The following ACTR10 variants were observed in gnomAD, a reference collection of about 807,000 sequenced individuals.
ACTR10 encodes the protein actin related protein 10.
Under a neutral mutation model 56.2 loss-of-function variants are expected in ACTR10, and 43 were observed. The observed-to-expected ratio is 0.77, with a 90% CI of 0.60 to 0.99. The LOEUF is 0.99. Among genes scored for constraint, ACTR10 ranks in the 50% least tolerant of loss-of-function variants. ACTR10 has a pLI of 0.00. For synonymous variants in ACTR10, 170 were observed against 176.3 expected (o/e 0.96, Z 0.28); for missense variants, 466 against 507.8 (o/e 0.92, Z 0.79).
At position 58,211,352 on chromosome 14, in the gene ACTR10, T is replaced by C; in HGVS notation, c.403T>C (p.Ser135Pro). The change falls in exon 5 of 13, where the codon TCT (serine) becomes CCT (proline). Residue 135 changes from serine to proline, a missense_variant. Ser to Pro is a moderately conservative substitution (Grantham distance 74). Transcript: ENST00000254286. ...GGCTCTTCTGACGCTTGGAATTAAT[T>C]CTGCCATGGTCCTAGATTGTGGATA... ...LMALLTLGINSAMVLDCGYRE... is the reference protein window; with the variant it reads ...LMALLTLGINPAMVLDCGYRE... 1 of 1,613,942 alleles carries C rather than the reference T, an allele frequency of 6.2e-7. No individual in the cohort carries two copies. The highest frequency in any genetic ancestry group is 2.2e-5 in the East Asian group (1 of 44,822).
chr14:58,232,018 A>G, intron 11 of ACTR10, 48 bp from the exon 12 acceptor site: 1 of 1,281,424 alleles, frequency 7.8e-7, no homozygotes. Flanking sequence ...ATCAAGCATT[A>G]TTTGTACAGT....
At chr14:58,234,252 A>T in intron 12 of ACTR10, 118 bp from the exon 13 acceptor site, 1 of 737,636 alleles carries the variant, frequency 1.4e-6, no homozygotes, top group South Asian at 2.9e-5. Flanking sequence ...GATTGTGGCT[A>T]TGCATTGCTG....
chr14:58,208,161 T>C (rs961828828), intron 3 of ACTR10, 143 bp downstream of exon 3: 35 of 634,502 alleles, frequency 5.5e-5, no homozygotes, highest in East Asian at 2.3e-4. Context: ...TTTCAACCTT[T>C]TCAAAAATAT....
chr14:58,230,183 T>G (rs1889496651), intron 10 of ACTR10, among the ~76,000 whole-genome samples: 1 of 152,232 alleles, frequency 6.6e-6, no homozygotes, highest in Non-Finnish European at 1.5e-5. Flanking sequence ...CAGACCCTGT[T>G]CTATTAACTC....
intron 4 of ACTR10, 33 bp downstream of exon 4, chr14:58,209,140 T>C (rs1296851766): frequency 5.7e-6 from 8 of 1,393,820 alleles, no homozygotes; most frequent in East Asian, 4.7e-5. Context: ...AGTAAATTGC[T>C]TTTGAAATAA....
At chr14:58,207,164 C>A in intron 2 of ACTR10, 1 of 164,776 alleles carries the variant, frequency 6.1e-6, no homozygotes, top group Non-Finnish European at 1.3e-5. Flanking sequence ...CTTCAGCCTC[C>A]TGAGTAGCTG....
At chr14:58,220,220 A>T (rs1040972486) in intron 8 of ACTR10, among the ~76,000 whole-genome samples, 1 of 152,206 alleles carries the variant, frequency 6.6e-6, no homozygotes, top group Non-Finnish European at 1.5e-5. Context: ...TTTATTCACT[A>T]AAATAAAATA....
chr14:58,215,475 T>C (rs1362011861), intron 7 of ACTR10, among the ~76,000 whole-genome samples, 191 bp downstream of exon 7: 1 of 152,194 alleles, frequency 6.6e-6, no homozygotes, highest in Non-Finnish European at 1.5e-5. Context: ...TAGTCATCCT[T>C]TCCAGAACTT....
chr14:58,221,298 A>AT (rs1316785587), intron 8 of ACTR10, among the ~76,000 whole-genome samples: 50 of 150,258 alleles, frequency 3.3e-4, no homozygotes, highest in African/African-American at 1.2e-3. Context: ...AAAAAAAAAA[A>AT]AAAAATATAT....
At chr14:58,214,545 C>T (rs1211659201) in intron 6 of ACTR10, among the ~76,000 whole-genome samples, 1 of 151,726 alleles carries the variant, frequency 6.6e-6, no homozygotes, top group East Asian at 2.0e-4. Flanking sequence ...GGCTGGAGTG[C>T]AGAGGCATGA....
Position 58,232,115 on chromosome 14 carries a change from G to A in ACTR10, c.920G>A (p.Gly307Asp), listed in dbSNP as rs1889551503. 1 of 1,613,898 alleles carries A rather than the reference G, an allele frequency of 6.2e-7. No homozygotes were observed. The highest frequency in any genetic ancestry group is 8.5e-7 in the Non-Finnish European group (1 of 1,179,920). Residue 307 changes from glycine (G) to aspartate (D), a missense_variant, in exon 12 of 13, where the codon GGT becomes GAT. Coordinates refer to ENST00000254286, the MANE Select transcript of ACTR10 (RefSeq NM_018477.3). ...CTAGCAGAGAATTTGGTAGTCATAG[G>A]TGGCACTTCTATGTTGCCAGGATTT... ...KQLAENLVVI[G>D]GTSMLPGFLH...
chr14:58,230,610 TATTAA>T (rs1487994727), intron 11 of ACTR10, 130 bp downstream of exon 11: 2 of 418,968 alleles, frequency 4.8e-6, no homozygotes, highest in Non-Finnish European at 8.3e-6. Flanking sequence ...CTAATCTGCT[TATTAA>T]ATTTTATTAA....
intron 7 of ACTR10, among the ~76,000 whole-genome samples, chr14:58,217,492 ACCC>A: frequency 6.6e-6 from 1 of 151,796 alleles, no homozygotes; most frequent in African/African-American, 2.4e-5. Flanking sequence ...ATATGGTGAA[ACCC>A]TGTTTCTACA....
chr14:58,200,355 G>A, intron 1 of ACTR10, 61 bp downstream of exon 1: 1 of 1,374,624 alleles, frequency 7.3e-7, no homozygotes, highest in Non-Finnish European at 9.5e-7. Flanking sequence ...CAGAGCCCCA[G>A]GCACTGCCTG....
chr14:58,203,966 A>C (rs1201795072), intron 2 of ACTR10, among the ~76,000 whole-genome samples: 1 of 152,218 alleles, frequency 6.6e-6, no homozygotes, highest in Non-Finnish European at 1.5e-5. Context: ...GAGGTAGTCC[A>C]TATAAAACCT....
intron 10 of ACTR10, among the ~76,000 whole-genome samples, chr14:58,224,719 T>G (rs188981259): frequency 1.8e-3 from 272 of 152,240 alleles, no homozygotes; most frequent in South Asian, 1.9e-3. Flanking sequence ...TAGCTCAGGC[T>G]TGGCCGGGCG....
At chr14:58,223,739 G>T (rs766968038) in intron 9 of ACTR10, 38 bp downstream of exon 9, 1 of 1,604,648 alleles carries the variant, frequency 6.2e-7, no homozygotes, top group South Asian at 1.1e-5. Flanking sequence ...TTTTGCAAAG[G>T]TTACAACATG....
intron 10 of ACTR10, among the ~76,000 whole-genome samples, chr14:58,226,890 G>C (rs190639631): frequency 6.6e-6 from 1 of 152,078 alleles, no homozygotes; most frequent in Non-Finnish European, 1.5e-5. Flanking sequence ...GTGAGCCACC[G>C]CACCCAGCCT....
At chr14:58,223,018 C>T (rs1462124242) in intron 8 of ACTR10, among the ~76,000 whole-genome samples, 1 of 151,984 alleles carries the variant, frequency 6.6e-6, no homozygotes, top group Non-Finnish European at 1.5e-5. Context: ...AGATATCAAA[C>T]AACAGTTTCC....
Sources: allele counts gnomAD v4.1 joint callset (sites outside exome capture counted in the v4.1 genomes callset), GRCh38; gene constraint gnomAD v4.1.1; transcripts MANE v1.5; gene names NCBI Gene and HGNC (gene_info 2026-07-23, HGNC 2026-07-21).